Variants in SCML4 observed in about 807,000 individuals in gnomAD.
SCML4 encodes Scm polycomb group protein like 4, also known as sex comb on midleg-like protein 4.
In SCML4, 34 loss-of-function variants were observed where a neutral mutation model predicts 41.1. The observed-to-expected ratio is 0.83, with a 90% CI of 0.63 to 1.10. The LOEUF (loss-of-function observed/expected upper bound fraction) is 1.10, where lower values mean the gene tolerates loss of function less well. Among genes scored for constraint, SCML4 ranks in the 50% least tolerant of loss-of-function variants. The pLI is 0.00. For synonymous variants in SCML4, 214 were observed against 220.9 expected (o/e 0.97, Z 0.28); for missense variants, 522 against 534.1 (o/e 0.98, Z 0.22).
chr6:107,749,035 A>G (rs9320231), intron 3 of SCML4, among the ~76,000 whole-genome samples: 40,362 of 152,036 alleles, frequency 0.27, 6,408 homozygotes, highest in African/African-American at 0.45. Context: ...TCTGGGCTTC[A>G]TCTAAAAGCA....
intron 1 of SCML4, among the ~76,000 whole-genome samples, chr6:107,816,113 A>G (rs910645834): frequency 6.6e-6 from 1 of 152,218 alleles, no homozygotes; most frequent in Non-Finnish European, 1.5e-5. Flanking sequence ...TCCTAGGGCC[A>G]TGTGGCCCTC....
rs547561203 is a variant in SCML4 at position 107,745,445 on chromosome 6, G to A, written c.488-302C>T. ...ACTGCTCAGGGTAAAATGTCCCTCC[G>A]TTTGGATTTGTCTTTTTTTCTCATG... On this transcript the variant is annotated intron_variant, in intron 4 of 7. Coordinates refer to ENST00000369020, the MANE Select transcript of SCML4 (RefSeq NM_198081.5). 1.5e-4 allele frequency: 37 copies of A among 245,670 alleles called. 1 individual carries two copies. The East Asian group carries it at 2.5e-3, about 17-fold the overall frequency. The allele number at this position is 245,670 out of a possible 1,614,324, so 15.2% of individuals were successfully genotyped here.
intron 2 of SCML4, among the ~76,000 whole-genome samples, chr6:107,770,550 A>G (rs1428425154): frequency 6.6e-6 from 1 of 152,236 alleles, no homozygotes; most frequent in Non-Finnish European, 1.5e-5. Context: ...CCTACTTCCC[A>G]TAAGAGAAAC....
chr6:107,728,735 G>A (rs1776239463), intron 5 of SCML4, among the ~76,000 whole-genome samples: 2 of 152,266 alleles, frequency 1.3e-5, no homozygotes, highest in South Asian at 4.2e-4. Flanking sequence ...GGCTTCGGAG[G>A]GCATCAAGCA....
chr6:107,717,596 G>A (rs1168452801), intron 6 of SCML4, among the ~76,000 whole-genome samples: 2 of 152,132 alleles, frequency 1.3e-5, no homozygotes, highest in Non-Finnish European at 2.9e-5. Flanking sequence ...TGCCCAGGCT[G>A]GAGTGCAGTG....
Position 107,772,351 on chromosome 6 carries a change from A to C in SCML4, c.-24T>G, listed in dbSNP as rs924396928. 1 of 1,542,178 alleles carries C rather than the reference A, an allele frequency of 6.5e-7. No homozygotes were observed. ...ATTTCTGCTGGTGCCAGTCTTACAG[A>C]ATGAGGTGACAAATCGCTCACAGGC... is the stretch of plus-strand genomic sequence containing the variant. On this transcript the variant is annotated 5_prime_UTR_variant, in exon 2 of 8. The change creates a new upstream start codon in the 5' untranslated region. Coordinates refer to ENST00000369020, the MANE Select transcript of SCML4 (RefSeq NM_198081.5).
the SCML4 span, among the ~76,000 whole-genome samples, chr6:107,839,220 G>T: frequency 6.6e-6 from 1 of 151,726 alleles, no homozygotes; most frequent in Non-Finnish European, 1.5e-5. Context: ...CTGAGCCCTG[G>T]AAGACTGAGG....
At chr6:107,827,704 A>G (rs1223770718), upstream of SCML4, among the ~76,000 whole-genome samples, 5 of 152,176 alleles carry the variant, frequency 3.3e-5, no homozygotes, top group African/African-American at 9.7e-5. Context: ...TTTCTGTCTC[A>G]GACCACAAGC....
chr6:107,813,580 T>C (rs1292429202), intron 1 of SCML4, among the ~76,000 whole-genome samples: 1 of 151,640 alleles, frequency 6.6e-6, no homozygotes, highest in Admixed American at 6.6e-5. Context: ...CTCTACCAAA[T>C]GGAGGTCAAC....
chr6:107,780,780 G>A (rs1045370927), intron 1 of SCML4, among the ~76,000 whole-genome samples: 8 of 151,716 alleles, frequency 5.3e-5, no homozygotes, highest in African/African-American at 1.9e-4. Context: ...TTCATATCTT[G>A]GGGATAGAGA....
chr6:107,812,690 T>C (rs1456444513), intron 1 of SCML4, among the ~76,000 whole-genome samples: 1 of 152,102 alleles, frequency 6.6e-6, no homozygotes, highest in Non-Finnish European at 1.5e-5. Flanking sequence ...GCAGGGACAT[T>C]TTCTTTTCTG....
chr6:107,774,519 GA>G (rs1164730697), intron 1 of SCML4, among the ~76,000 whole-genome samples: 1 of 152,144 alleles, frequency 6.6e-6, no homozygotes, highest in East Asian at 1.9e-4. Flanking sequence ...TATTTAATAA[GA>G]TTTTCGCTAT....
the SCML4 span, among the ~76,000 whole-genome samples, chr6:107,833,143 A>G: frequency 6.6e-6 from 1 of 152,234 alleles, no homozygotes; most frequent in Non-Finnish European, 1.5e-5. Flanking sequence ...TTGGTCATAT[A>G]GTTAGCTGAA....
intron 5 of SCML4, among the ~76,000 whole-genome samples, chr6:107,738,908 C>T (rs374257457): frequency 1.6e-4 from 25 of 152,210 alleles, no homozygotes; most frequent in African/African-American, 4.3e-4. Flanking sequence ...CCACTAATGA[C>T]CCTAACAAGT....
At chr6:107,714,692 C>T (rs1356160888) in intron 6 of SCML4, among the ~76,000 whole-genome samples, 1 of 152,170 alleles carries the variant, frequency 6.6e-6, no homozygotes, top group East Asian at 1.9e-4. Flanking sequence ...GTCTTAACTG[C>T]CTGCTCTATA....
chr6:107,827,109 A>G (rs1257472935), upstream of SCML4, among the ~76,000 whole-genome samples: 1 of 148,460 alleles, frequency 6.7e-6, no homozygotes, highest in African/African-American at 2.4e-5. Flanking sequence ...TTAAGTAAAC[A>G]ATATTTATTT....
At chr6:107,831,168 G>A in the SCML4 span, among the ~76,000 whole-genome samples, 1 of 151,894 alleles carries the variant, frequency 6.6e-6, no homozygotes, top group African/African-American at 2.4e-5. Flanking sequence ...GAGGGGAGGG[G>A]GACACAGAGG....
At chr6:107,716,629 A>G (rs1208121549) in intron 6 of SCML4, among the ~76,000 whole-genome samples, 1 of 152,120 alleles carries the variant, frequency 6.6e-6, no homozygotes, top group Non-Finnish European at 1.5e-5. Context: ...AGTAAGAACT[A>G]TAGATGAGGA....
intron 6 of SCML4, among the ~76,000 whole-genome samples, chr6:107,709,074 T>C (rs905601854): frequency 6.6e-6 from 1 of 152,104 alleles, no homozygotes; most frequent in African/African-American, 2.4e-5. Context: ...CCTAACCCCC[T>C]GCCATGGGTT....
Sources: gnomAD v4.1 joint callset for allele counts (sites outside exome capture counted in the v4.1 genomes callset) on GRCh38, gnomAD v4.1.1 for gene constraint, MANE v1.5 for transcripts, NCBI Gene and HGNC (gene_info 2026-07-23, HGNC 2026-07-21) for gene names.